The following WDFY4 variants were observed in gnomAD, a reference collection of about 807,000 sequenced individuals.
WDFY4 encodes the protein WD repeat- and FYVE domain-containing protein 4.
In WDFY4, 169 loss-of-function variants were observed where a neutral mutation model predicts 351.9. The ratio of observed to expected loss-of-function variants is 0.48; its 90% confidence interval spans 0.42 to 0.55. WDFY4 has a LOEUF of 0.55. Among genes scored for constraint, WDFY4 ranks in the 20% least tolerant of loss-of-function variants. The pLI is 0.00. For missense variants in WDFY4, 3,803 were observed against 3,935.6 expected (o/e 0.97, Z 0.90); for synonymous variants, 1,622 against 1,574.6 (o/e 1.03, Z -0.71).
chr10:48,827,520 G>GTC (rs977292939), intron 36 of WDFY4, among the ~76,000 whole-genome samples: 2 of 145,462 alleles, frequency 1.4e-5, no homozygotes, highest in African/African-American at 5.1e-5. Context: ...TTCACTTTCT[G>GTC]TCTCTCTCTC....
At chr10:48,804,738 A>G in intron 25 of WDFY4, 1 of 984,760 alleles carries the variant, frequency 1.0e-6, no homozygotes, top group Middle Eastern at 5.2e-4. Context: ...TTGGGGGAGT[A>G]GAATTTACTG....
Position 48,901,871 on chromosome 10 carries a change from C to T in WDFY4, c.7586+8C>T, listed in dbSNP as rs368339976. The T allele has an allele frequency of 1.2e-4, 179 of 1,551,156 alleles. 1 individual carries two copies. The highest frequency in any genetic ancestry group is 8.1e-4 in the East Asian group (33 of 40,922). ...GGACACCCTCAGTCTAAGGTAATGGCGGGTAGCCATGCTGTCTGGGCATGG... is the reference window on the plus strand; with the variant it reads ...GGACACCCTCAGTCTAAGGTAATGGTGGGTAGCCATGCTGTCTGGGCATGG... On this transcript the variant is annotated splice_region_variant and intron_variant, in intron 47 of 61. Transcript: ENST00000325239.
intron 40 of WDFY4, among the ~76,000 whole-genome samples, chr10:48,868,435 T>C (rs1052389670): frequency 2.6e-5 from 4 of 152,152 alleles, no homozygotes; most frequent in African/African-American, 9.7e-5. Flanking sequence ...ACCCTTTGGT[T>C]GGACAAGGGT....
intron 42 of WDFY4, among the ~76,000 whole-genome samples, chr10:48,876,261 A>G (rs1289987296): frequency 6.6e-6 from 1 of 152,240 alleles, no homozygotes; most frequent in African/African-American, 2.4e-5. Context: ...AGTACAGAAA[A>G]GATAATGAAA....
intron 1 of WDFY4, among the ~76,000 whole-genome samples, chr10:48,685,679 T>G (rs569915018): frequency 9.8e-5 from 15 of 152,332 alleles, no homozygotes; most frequent in African/African-American, 3.6e-4. Context: ...TCTAGAACAC[T>G]AAACCGATCC....
At chr10:48,924,024 C>CAGAG (rs1403931861) in intron 47 of WDFY4, among the ~76,000 whole-genome samples, 1 of 152,238 alleles carries the variant, frequency 6.6e-6, no homozygotes, top group South Asian at 2.1e-4. Context: ...GAGCTGGCTA[C>CAGAG]AGAGAACTCC....
intron 24 of WDFY4, among the ~76,000 whole-genome samples, chr10:48,797,369 A>G (rs140682367): frequency 5.8e-4 from 88 of 152,312 alleles, no homozygotes; most frequent in African/African-American, 2.1e-3. Flanking sequence ...TTCTTTGTTT[A>G]TTAAGAAATT....
intron 44 of WDFY4, among the ~76,000 whole-genome samples, chr10:48,892,327 G>A: frequency 6.6e-6 from 1 of 152,208 alleles, no homozygotes; most frequent in East Asian, 1.9e-4. Flanking sequence ...TTTAATAGAA[G>A]CCCAGTGGTC....
intron 12 of WDFY4, among the ~76,000 whole-genome samples, chr10:48,759,989 T>TGTGA (rs1182993496): frequency 2.6e-5 from 4 of 152,076 alleles, no homozygotes; most frequent in Non-Finnish European, 5.9e-5. Context: ...TGTGTGTGTG[T>TGTGA]GTGAGTGAGT....
chr10:48,797,166 G>T (rs1408804722), intron 24 of WDFY4, among the ~76,000 whole-genome samples: 1 of 152,184 alleles, frequency 6.6e-6, no homozygotes, highest in Non-Finnish European at 1.5e-5. Flanking sequence ...GAGTGTATAT[G>T]CTATTTGCAA....
chr10:48,759,072 C>A (rs190860653), intron 12 of WDFY4, among the ~76,000 whole-genome samples: 8 of 151,900 alleles, frequency 5.3e-5, no homozygotes, highest in East Asian at 1.9e-4. Context: ...GGGAACTAGC[C>A]CACTTAGGTT....
At chr10:48,914,916 A>T (rs1838372271) in intron 47 of WDFY4, among the ~76,000 whole-genome samples, 1 of 152,172 alleles carries the variant, frequency 6.6e-6, no homozygotes, top group Non-Finnish European at 1.5e-5. Flanking sequence ...TGCCTTTTCC[A>T]TCTCCTGCCC....
chr10:48,702,577 C>T (rs996178982), intron 1 of WDFY4, among the ~76,000 whole-genome samples: 10 of 152,088 alleles, frequency 6.6e-5, no homozygotes, highest in African/African-American at 2.4e-4. Context: ...TTCCTTTGTA[C>T]TGTAGAGAGG....
chr10:48,704,645 C>T (rs1192571534), intron 1 of WDFY4, among the ~76,000 whole-genome samples: 3 of 152,190 alleles, frequency 2.0e-5, no homozygotes, highest in Admixed American at 1.3e-4. Flanking sequence ...CAGCCCCAAG[C>T]AGCCACAGTG....
chr10:48,965,981 G>T, intron 54 of WDFY4, among the ~76,000 whole-genome samples: 1 of 152,160 alleles, frequency 6.6e-6, no homozygotes, highest in Admixed American at 6.5e-5. Flanking sequence ...TTGGCATTAG[G>T]CACAATCTGA....
At chr10:48,921,036 G>A (rs540038649) in intron 47 of WDFY4, among the ~76,000 whole-genome samples, 4 of 152,238 alleles carry the variant, frequency 2.6e-5, no homozygotes, top group African/African-American at 7.2e-5. Flanking sequence ...TACCATGTTC[G>A]TGAATTGGAT....
intron 2 of WDFY4, among the ~76,000 whole-genome samples, chr10:48,714,323 C>T (rs2063841277): frequency 6.6e-6 from 1 of 152,162 alleles, no homozygotes; most frequent in Non-Finnish European, 1.5e-5. Flanking sequence ...CTTGCCTTTT[C>T]CTTGGGCTCA....
intron 23 of WDFY4, among the ~76,000 whole-genome samples, chr10:48,793,020 G>T (rs1216659428): frequency 1.3e-5 from 2 of 152,236 alleles, no homozygotes; most frequent in African/African-American, 2.4e-5. Context: ...AAAAAAGGAA[G>T]CTCATCAAGA....
rs1017961189 is a variant in WDFY4, at chr10:48,870,353, T to C, written c.6741+3011T>C. ...GAGCTCAAGGCCAGACTGGGCATCA[T>C]TGCGAGACCCCAACTCAAAAAAAAG... On this transcript the variant is annotated intron_variant, in intron 40 of 61. Transcript: ENST00000325239. Among the ~76,000 whole-genome samples, 4 of 152,176 alleles carry C rather than the reference T, an allele frequency of 2.6e-5. No homozygotes were observed. The South Asian group carries it at 6.2e-4, about 24-fold the overall frequency.
Sources: gnomAD v4.1 joint callset for allele counts (sites outside exome capture counted in the v4.1 genomes callset) on GRCh38, gnomAD v4.1.1 for gene constraint, MANE v1.5 for transcripts, NCBI Gene and HGNC (gene_info 2026-07-23, HGNC 2026-07-21) for gene names.